CORO2B: variants seen among roughly 807,000 people sequenced by gnomAD.
The protein encoded by CORO2B is coronin 2B.
CORO2B carries 26 observed loss-of-function variants against 58.8 expected under a neutral mutation model. The observed-to-expected ratio is 0.44, with a 90% CI of 0.32 to 0.61. The LOEUF is 0.61. Among genes scored for constraint, CORO2B ranks in the 20% least tolerant of loss-of-function variants. The pLI is 0.04. For missense variants in CORO2B, 460 were observed against 645.1 expected (o/e 0.71, Z 3.11); for synonymous variants, 242 against 253.8 (o/e 0.95, Z 0.44).
At chr15:68,552,766 C>G in the CORO2B span, among the ~76,000 whole-genome samples, 5 of 152,218 alleles carry the variant, frequency 3.3e-5, no homozygotes, top group African/African-American at 1.2e-4. Flanking sequence ...CCCCTCTGAT[C>G]TCAACATCGT....
At chr15:68,708,712 C>T (rs577903813) in intron 3 of CORO2B, among the ~76,000 whole-genome samples, 49 of 151,962 alleles carry the variant, frequency 3.2e-4, no homozygotes, top group African/African-American at 1.1e-3. Flanking sequence ...CAGAGTCTCG[C>T]TCTGTTGCCC....
intron 1 of CORO2B, among the ~76,000 whole-genome samples, chr15:68,625,700 G>T (rs1900657905): frequency 6.6e-6 from 1 of 152,016 alleles, no homozygotes; most frequent in African/African-American, 2.4e-5. Flanking sequence ...CAACTCCTGG[G>T]CTCAAGCAAT....
chr15:68,661,936 G>T (rs959669320), intron 2 of CORO2B, among the ~76,000 whole-genome samples: 1 of 152,190 alleles, frequency 6.6e-6, no homozygotes, highest in Non-Finnish European at 1.5e-5. Context: ...GAACCCAAGT[G>T]GTGGAGGTTT....
In CORO2B at chr15:68,629,393, CG is replaced by C. The variant is rs1210060746; in HGVS notation, c.16-15766del. Among the ~76,000 whole-genome samples the C allele has an allele frequency of 3.3e-5, 5 of 152,262 alleles. No homozygotes were observed. The East Asian group carries it at 7.7e-4, about 23-fold the overall frequency. Reference sequence around the variant, plus strand: ...GAGCTGATTCTGTTGGAGGAAGAGGCGCCTTTCTCTATTCTCACAAACGTGC... The same window carrying C: ...GAGCTGATTCTGTTGGAGGAAGAGGCCCTTTCTCTATTCTCACAAACGTGC... On this transcript the variant is annotated intron_variant, in intron 1 of 11. Coordinates refer to ENST00000261861, the MANE Select transcript of CORO2B (RefSeq NM_006091.5).
Position 68,726,726 on chromosome 15 carries a change from T to C in CORO2B, c.*752T>C, listed in dbSNP as rs776282597. On this transcript the variant is annotated 3_prime_UTR_variant, in exon 12 of 12. Coordinates refer to ENST00000261861, the MANE Select transcript of CORO2B (RefSeq NM_006091.5). Reference sequence around the variant, plus strand: ...AGAACTGAGGGTTGCAATGGGGAAATGACTTATAAAGTCACCCAGCAGGTC... The same window carrying C: ...AGAACTGAGGGTTGCAATGGGGAAACGACTTATAAAGTCACCCAGCAGGTC... 2.0e-5 allele frequency: 3 copies of C among 152,340 alleles called. No individual in the cohort carries two copies. The highest frequency in any genetic ancestry group is 4.4e-5 in the Non-Finnish European group (3 of 68,070). 9.4% of individuals were successfully genotyped at this position (152,340 alleles called of 1,614,324 possible).
At chr15:68,550,539 G>T in the CORO2B span, among the ~76,000 whole-genome samples, 1 of 152,218 alleles carries the variant, frequency 6.6e-6, no homozygotes, top group South Asian at 2.1e-4. Flanking sequence ...ATGGTCGATT[G>T]TAAAGATTTA....
At chr15:68,650,009 C>T (rs1045562872) in intron 2 of CORO2B, among the ~76,000 whole-genome samples, 2 of 152,082 alleles carry the variant, frequency 1.3e-5, no homozygotes, top group South Asian at 2.1e-4. Context: ...TGAGGACCAG[C>T]GATGCAAAGT....
At chr15:68,629,882 G>A (rs1900780473) in intron 1 of CORO2B, among the ~76,000 whole-genome samples, 1 of 152,162 alleles carries the variant, frequency 6.6e-6, no homozygotes, top group Non-Finnish European at 1.5e-5. Context: ...CTATGTCTAA[G>A]TGGACACCTT....
At chr15:68,665,036 G>T (rs970628262) in intron 2 of CORO2B, among the ~76,000 whole-genome samples, 1 of 151,966 alleles carries the variant, frequency 6.6e-6, no homozygotes, top group African/African-American at 2.4e-5. Flanking sequence ...TGGATCTTGG[G>T]CCATAGTTAG....
the CORO2B span, among the ~76,000 whole-genome samples, chr15:68,529,603 T>G: frequency 1.5e-5 from 1 of 67,766 alleles, no homozygotes; most frequent in South Asian, 8.0e-4. Flanking sequence ...TTAGCACTCA[T>G]GCTCACTCTC....
At chr15:68,559,497 G>T in the CORO2B span, 1 of 635,992 alleles carries the variant, frequency 1.6e-6, no homozygotes, top group African/African-American at 2.0e-5. The surrounding 1 kb of genome is among the most constrained non-coding windows in gnomAD (Gnocchi z 4.3). Context: ...ACGGAGAAGG[G>T]AGCGTCAGCG....
chr15:68,562,874 GGC>G, the CORO2B span, among the ~76,000 whole-genome samples: 1 of 152,032 alleles, frequency 6.6e-6, no homozygotes, highest in East Asian at 1.9e-4. Context: ...CTACTCGGGA[GGC>G]TGAGGCAGGA....
chr15:68,630,153 C>T (rs1008046870), intron 1 of CORO2B, among the ~76,000 whole-genome samples: 19 of 152,184 alleles, frequency 1.2e-4, no homozygotes, highest in African/African-American at 4.3e-4. Flanking sequence ...GTAGCAATGA[C>T]AGCATTCAGT....
intron 6 of CORO2B, 32 bp downstream of exon 6, chr15:68,714,073 C>A: frequency 6.9e-7 from 1 of 1,456,814 alleles, no homozygotes; most frequent in Non-Finnish European, 9.6e-7. Context: ...TGGGTTTGGG[C>A]TAAAGGAAGC....
chr15:68,568,815 C>T, the CORO2B span, among the ~76,000 whole-genome samples: 3 of 152,090 alleles, frequency 2.0e-5, no homozygotes, highest in Admixed American at 1.3e-4. Flanking sequence ...GCAACACACA[C>T]TGGGGCCTGC....
chr15:68,632,952 G>T (rs1900892690), intron 1 of CORO2B, among the ~76,000 whole-genome samples: 1 of 152,196 alleles, frequency 6.6e-6, no homozygotes, highest in South Asian at 2.1e-4. Context: ...GCAGAACAGT[G>T]CACTAACATT....
At chr15:68,668,946 C>T (rs1902287591) in intron 2 of CORO2B, among the ~76,000 whole-genome samples, 2 of 152,034 alleles carry the variant, frequency 1.3e-5, no homozygotes, top group African/African-American at 4.8e-5. Flanking sequence ...GGCGTGGTGG[C>T]ATGTGCCTGT....
intron 1 of CORO2B, among the ~76,000 whole-genome samples, chr15:68,644,255 T>G (rs768006761): frequency 5.9e-5 from 9 of 152,232 alleles, no homozygotes; most frequent in Non-Finnish European, 1.3e-4. Flanking sequence ...TTTAATCATG[T>G]GCTTTGTCAT....
At chr15:68,693,209 A>AT (rs1892427913) in intron 2 of CORO2B, among the ~76,000 whole-genome samples, 1 of 151,778 alleles carries the variant, frequency 6.6e-6, no homozygotes, top group Non-Finnish European at 1.5e-5. Flanking sequence ...TCCTCTACCC[A>AT]TCCTGCCATG....
Sources: gnomAD v4.1 joint callset for allele counts (sites outside exome capture counted in the v4.1 genomes callset) on GRCh38, gnomAD v4.1.1 for gene constraint, Gnocchi (gnomAD v3.1) non-coding constraint, MANE v1.5 for transcripts, NCBI Gene and HGNC (gene_info 2026-07-23, HGNC 2026-07-21) for gene names.